Variants in LMBRD1 observed in about 807,000 individuals in gnomAD.
LMBRD1 encodes the protein LMBR1 domain containing 1.
Under a neutral mutation model 74.8 loss-of-function variants are expected in LMBRD1, and 64 were observed. The ratio of observed to expected loss-of-function variants is 0.86; its 90% confidence interval spans 0.70 to 1.05. LMBRD1 has a LOEUF of 1.05. LMBRD1 is among the 50% of genes least tolerant of loss of function. The probability of loss-of-function intolerance (pLI) is 0.00; values close to 1 mark genes in which losing one functional copy is unlikely to be tolerated. For synonymous variants in LMBRD1, 204 were observed against 216.3 expected (o/e 0.94, Z 0.50); for missense variants, 652 against 645.9 (o/e 1.01, Z -0.10).
rs111747887 is a variant in LMBRD1 at position 69,725,339 on chromosome 6, T to TCACACA, written c.637-6264_637-6259dup. 5.3e-4 allele frequency among the ~76,000 whole-genome samples: 79 copies of TCACACA among 148,194 alleles called. 1 individual carries two copies. Among genetic ancestry groups the TCACACA allele is most frequent in the Middle Eastern group, 3.4e-3 (1 of 290 alleles). On this transcript the variant is annotated intron_variant, in intron 7 of 15. Transcript: ENST00000649934. ...CCTATCGAAATAGCAATGACAATCT[T>TCACACA]CACACACACACACACACACACACAC...
Position 69,701,548 on chromosome 6 carries a change from A to T in LMBRD1, c.981-3T>A. The T allele has an allele frequency of 6.7e-7, 1 of 1,502,438 alleles. No individual in the cohort carries two copies. Among genetic ancestry groups the T allele is most frequent in the African/African-American group, 1.4e-5 (1 of 72,274 alleles). The allele number at this position is 1,502,438 out of a possible 1,614,324, so 93.1% of individuals were successfully genotyped here. On this transcript the variant is annotated splice_region_variant and splice_polypyrimidine_tract_variant and intron_variant, in intron 10 of 15. Coordinates refer to ENST00000649934, the MANE Select transcript of LMBRD1 (RefSeq NM_018368.4). Reference sequence around the variant, plus strand: ...CTGAATGAAGAGCTTTATCTAAACTAAAAAAAATTACAAAGAATGAAATTT... The same window carrying T: ...CTGAATGAAGAGCTTTATCTAAACTTAAAAAAATTACAAAGAATGAAATTT...
chr6:69,769,689 T>C (rs1437556789), intron 3 of LMBRD1, among the ~76,000 whole-genome samples: 1 of 152,184 alleles, frequency 6.6e-6, no homozygotes. Flanking sequence ...AAATCTGTTT[T>C]CCACAAGTGT....
chr6:69,685,638 T>C (rs1765747649), intron 14 of LMBRD1, among the ~76,000 whole-genome samples: 2 of 151,980 alleles, frequency 1.3e-5, no homozygotes. Context: ...CTGTCTCTAC[T>C]AAAAATACAA....
Position 69,675,952 on chromosome 6 carries a change from T to C in LMBRD1, c.*206A>G. On this transcript the variant is annotated 3_prime_UTR_variant, in exon 16 of 16. Coordinates refer to ENST00000649934, the MANE Select transcript of LMBRD1 (RefSeq NM_018368.4). Reference sequence around the variant, plus strand: ...CCCTCACAAAGCCAGTAGTCTTATATTTACATAGCATGATTATGGTAATTT... The same window carrying C: ...CCCTCACAAAGCCAGTAGTCTTATACTTACATAGCATGATTATGGTAATTT... The C allele has an allele frequency of 1.8e-6, 1 of 553,854 alleles. No homozygotes were observed. Among genetic ancestry groups the C allele is most frequent in the Non-Finnish European group, 3.2e-6 (1 of 313,010 alleles). The allele number at this position is 553,854 out of a possible 1,614,324, so 34.3% of individuals were successfully genotyped here.
chr6:69,780,554 C>T lies in LMBRD1; in HGVS notation c.247G>A (p.Asp83Asn). ...CTGCTGACATTAGCATTAGCCCAGTCCTAGGATAAAAGGAAACAATAGAAA... is the reference window on the plus strand; with the variant it reads ...CTGCTGACATTAGCATTAGCCCAGTTCTAGGATAAAAGGAAACAATAGAAA... ...YMKNQNGTFK[D>N]WANANVSRQI... Residue 83 changes from aspartate to asparagine, a missense_variant and splice_region_variant, in exon 3 of 16, where the codon GAC becomes AAC. Coordinates refer to ENST00000649934, the MANE Select transcript of LMBRD1 (RefSeq NM_018368.4). The T allele has an allele frequency of 6.2e-6, 10 of 1,604,286 alleles. No individual in the cohort carries two copies. Among genetic ancestry groups the T allele is most frequent in the Non-Finnish European group, 8.5e-6 (10 of 1,171,648 alleles).
rs1206115385 is a variant in LMBRD1 at position 69,777,316 on chromosome 6, G to A, written c.307+3178C>T. ...AAAATACAAAAAATTATCCGGGCGTGATGACATGTGCCTATAATCCCAGCT... is the reference window on the plus strand; with the variant it reads ...AAAATACAAAAAATTATCCGGGCGTAATGACATGTGCCTATAATCCCAGCT... On this transcript the variant is annotated intron_variant, in intron 3 of 15. Transcript: ENST00000649934. Among the ~76,000 whole-genome samples the A allele has an allele frequency of 7.9e-5, 12 of 152,042 alleles. No homozygotes were observed. In the East Asian group the frequency reaches 2.1e-3, roughly 27 times the overall value.
intron 3 of LMBRD1, among the ~76,000 whole-genome samples, chr6:69,777,309 C>T (rs1765725666): frequency 6.6e-6 from 1 of 151,690 alleles, no homozygotes; most frequent in South Asian, 2.1e-4. Context: ...AAAAATTATC[C>T]GGGCGTGATG....
chr6:69,690,786 T>A (rs903534313), intron 14 of LMBRD1, among the ~76,000 whole-genome samples: 1 of 151,962 alleles, frequency 6.6e-6, no homozygotes, highest in Non-Finnish European at 1.5e-5. Context: ...AAGAAAAAAA[T>A]TCCAAACCAA....
chr6:69,751,373 C>A (rs1180545470), intron 4 of LMBRD1, among the ~76,000 whole-genome samples: 8 of 151,618 alleles, frequency 5.3e-5, no homozygotes, highest in Non-Finnish European at 1.2e-4. Context: ...GTTGCCCAGG[C>A]TGGAGCGCAG....
At chr6:69,793,718 C>CTTTTTTT (rs34341228) in intron 1 of LMBRD1, among the ~76,000 whole-genome samples, 9 of 96,040 alleles carry the variant, frequency 9.4e-5, no homozygotes, top group Middle Eastern at 6.8e-3. Flanking sequence ...TGTCCTGAAT[C>CTTTTTTT]TTTTTTTTTT....
chr6:69,777,593 G>C (rs1464430467), intron 3 of LMBRD1, among the ~76,000 whole-genome samples: 3 of 151,582 alleles, frequency 2.0e-5, no homozygotes, highest in African/African-American at 7.3e-5. Context: ...GAGGAAATAA[G>C]AACTACTTTG....
chr6:69,692,644 CAT>C (rs923439331), intron 14 of LMBRD1, among the ~76,000 whole-genome samples: 1 of 151,682 alleles, frequency 6.6e-6, no homozygotes, highest in Non-Finnish European at 1.5e-5. Flanking sequence ...TTGAAATATC[CAT>C]ATGTTATTTT....
chr6:69,716,608 T>C (rs1471159607), intron 8 of LMBRD1, among the ~76,000 whole-genome samples: 1 of 152,132 alleles, frequency 6.6e-6, no homozygotes, highest in Non-Finnish European at 1.5e-5. Flanking sequence ...ACTGAGATAG[T>C]CTGATTTTAC....
At chr6:69,700,638 A>G in intron 12 of LMBRD1, 127 bp downstream of exon 12, 1 of 588,776 alleles carries the variant, frequency 1.7e-6, no homozygotes, top group Non-Finnish European at 2.6e-6. Flanking sequence ...TGAAGTGAAA[A>G]GGCTAGTATT....
At chr6:69,688,952 T>C (rs899032609) in intron 14 of LMBRD1, among the ~76,000 whole-genome samples, 1 of 152,074 alleles carries the variant, frequency 6.6e-6, no homozygotes, top group Non-Finnish European at 1.5e-5. Flanking sequence ...GGTAGATAAA[T>C]ACCCAGTTGG....
chr6:69,748,201 G>A (rs1289460311), intron 5 of LMBRD1, among the ~76,000 whole-genome samples: 1 of 152,164 alleles, frequency 6.6e-6, no homozygotes, highest in Non-Finnish European at 1.5e-5. Flanking sequence ...AGACCATACA[G>A]ACAATAAATC....
intron 14 of LMBRD1, among the ~76,000 whole-genome samples, chr6:69,688,442 TG>T (rs1252549185): frequency 6.7e-6 from 1 of 149,638 alleles, no homozygotes; most frequent in East Asian, 2.1e-4. Context: ...TTAGTGACAA[TG>T]TAAGTGTTTA....
chr6:69,789,133 G>GA (rs34238709), intron 2 of LMBRD1, among the ~76,000 whole-genome samples: 3 of 151,890 alleles, frequency 2.0e-5, no homozygotes, highest in African/African-American at 7.3e-5. Flanking sequence ...ATGGTGTACA[G>GA]AAAAAAAATG....
rs537691370 is a variant in LMBRD1 at position 69,717,969 on chromosome 6, G to A, written c.762+987C>T. Among the ~76,000 whole-genome samples the A allele has an allele frequency of 1.8e-4, 27 of 152,208 alleles. No homozygotes were observed. In the South Asian group the frequency reaches 4.6e-3, roughly 26 times the overall value. ...GACTACAGGTGTGAGCCACCAGTACGTACCTAGCCACTTATATTTTATTTG... is the reference window on the plus strand; with the variant it reads ...GACTACAGGTGTGAGCCACCAGTACATACCTAGCCACTTATATTTTATTTG... On this transcript the variant is annotated intron_variant, in intron 8 of 15. Coordinates refer to ENST00000649934, the MANE Select transcript of LMBRD1 (RefSeq NM_018368.4).
Sources: gnomAD v4.1 joint callset for allele counts (sites outside exome capture counted in the v4.1 genomes callset) on GRCh38, gnomAD v4.1.1 for gene constraint, MANE v1.5 for transcripts, NCBI Gene and HGNC (gene_info 2026-07-23, HGNC 2026-07-21) for gene names.